SLC2A13: variants seen among roughly 807,000 people sequenced by gnomAD.
SLC2A13 encodes the protein solute carrier family 2 member 13.
A neutral mutation model predicts 64.4 loss-of-function variants in SLC2A13; 32 were observed. The ratio of observed to expected loss-of-function variants is 0.50; its 90% CI spans 0.37 to 0.67. SLC2A13 has a LOEUF of 0.67. Among genes scored for constraint, SLC2A13 ranks in the 30% least tolerant of loss-of-function variants. SLC2A13 has a pLI of 0.00. For missense variants in SLC2A13, 743 were observed against 829.2 expected (o/e 0.90, Z 1.28); for synonymous variants, 338 against 327.1 (o/e 1.03, Z -0.36).
At chr12:40,095,282 G>T (rs12322131) in intron 1 of SLC2A13, among the ~76,000 whole-genome samples, 13,848 of 152,220 alleles carry the variant, frequency 0.091, 746 homozygotes, top group African/African-American at 0.13. Flanking sequence ...GTGTGTCTGT[G>T]CCTTTTAAAA....
chr12:39,867,130 C>A (rs1347760496), intron 5 of SLC2A13, among the ~76,000 whole-genome samples: 1 of 152,104 alleles, frequency 6.6e-6, no homozygotes, highest in Non-Finnish European at 1.5e-5. Context: ...CAAAACGAAC[C>A]ATGAGATTTA....
At chr12:40,101,409 T>A (rs1322848841) in intron 1 of SLC2A13, among the ~76,000 whole-genome samples, 1 of 152,178 alleles carries the variant, frequency 6.6e-6, no homozygotes, top group Non-Finnish European at 1.5e-5. Context: ...TACTGAAGGG[T>A]CCACTGACTC....
At chr12:40,062,010 C>A (rs1007241815) in intron 1 of SLC2A13, among the ~76,000 whole-genome samples, 1 of 152,034 alleles carries the variant, frequency 6.6e-6, no homozygotes, top group African/African-American at 2.4e-5. Context: ...CACACCCACA[C>A]ATCAGCCCTT....
At chr12:40,060,078 CGGATGGATGGATGGATGCAT>C (rs1275618520) in intron 1 of SLC2A13, among the ~76,000 whole-genome samples, 45 of 151,508 alleles carry the variant, frequency 3.0e-4, no homozygotes, top group African/African-American at 1.1e-3. Flanking sequence ...TATTAATGGA[CGGATGGATGGATGGATGCAT>C]GGATGGATGG....
At chr12:39,959,844 A>C (rs1946378810) in intron 3 of SLC2A13, among the ~76,000 whole-genome samples, 1 of 152,208 alleles carries the variant, frequency 6.6e-6, no homozygotes, top group Non-Finnish European at 1.5e-5. Context: ...GTTCCAGGAT[A>C]CACATGCAGT....
intron 7 of SLC2A13, among the ~76,000 whole-genome samples, chr12:39,773,808 A>G (rs1940672131): frequency 6.6e-6 from 1 of 152,234 alleles, no homozygotes; most frequent in Non-Finnish European, 1.5e-5. Context: ...TGATAAATGT[A>G]TGAAACTTAG....
At chr12:39,813,702 A>G (rs1942257486) in intron 7 of SLC2A13, among the ~76,000 whole-genome samples, 2 of 152,194 alleles carry the variant, frequency 1.3e-5, no homozygotes, top group Admixed American at 1.3e-4. Flanking sequence ...TTATTGGAGT[A>G]GTGGGGGATG....
intron 1 of SLC2A13, among the ~76,000 whole-genome samples, chr12:40,054,147 A>T (rs934642112): frequency 7.2e-5 from 11 of 152,164 alleles, no homozygotes; most frequent in African/African-American, 2.7e-4. Context: ...TTTACCTAAA[A>T]CCTGTTTTAA....
At chr12:40,022,284 T>C (rs909764423) in intron 3 of SLC2A13, among the ~76,000 whole-genome samples, 2 of 152,222 alleles carry the variant, frequency 1.3e-5, no homozygotes, top group African/African-American at 4.8e-5. Flanking sequence ...TCTTGCTGGC[T>C]TGCATATTTT....
intron 1 of SLC2A13, among the ~76,000 whole-genome samples, chr12:40,085,856 G>T (rs187598801): frequency 6.6e-6 from 1 of 152,004 alleles, no homozygotes; most frequent in South Asian, 2.1e-4. Flanking sequence ...TTCACGTCCC[G>T]CATTCCTTCT....
chr12:39,921,982 T>C (rs530078745), intron 4 of SLC2A13, among the ~76,000 whole-genome samples: 1 of 151,440 alleles, frequency 6.6e-6, no homozygotes, highest in East Asian at 1.9e-4. Flanking sequence ...TAACAATTAG[T>C]TTCAGCTCTA....
At position 40,105,627 on chromosome 12, in the gene SLC2A13, A is replaced by ACGC. The variant is rs747830202; in HGVS notation, c.179_181dup (p.Gly60dup). The ACGC allele has an allele frequency of 2.1e-5, 31 of 1,490,526 alleles. No individual in the cohort carries two copies. The highest frequency in any genetic ancestry group is 8.9e-5 in the African/African-American group (6 of 67,728). The allele number at this position is 1,490,526 out of a possible 1,614,324, so 92.3% of individuals were successfully genotyped here. A position where few individuals can be genotyped will look rare whatever the true frequency, so the allele number is the denominator to read the frequency against. On this transcript the variant is annotated inframe_insertion, in exon 1 of 10. Coordinates refer to ENST00000280871, the MANE Select transcript of SLC2A13 (RefSeq NM_052885.4). The surrounding 1 kb of genome is among the most constrained non-coding windows in gnomAD (Gnocchi z 4.2). ...CCGCGCCGCGCGCTCCAGGTCCCCG[A>ACGC]CGCCGCCGCCGCCCGCGCCCGCGCT...
intron 6 of SLC2A13, among the ~76,000 whole-genome samples, chr12:39,833,892 TAAA>T (rs1161840484): frequency 4.5e-5 from 4 of 88,378 alleles, no homozygotes; most frequent in Admixed American, 1.2e-4. Flanking sequence ...AGCATGGTCA[TAAA>T]AAAAAAAAAA....
At chr12:39,878,753 T>C (rs1944262150) in intron 4 of SLC2A13, among the ~76,000 whole-genome samples, 1 of 152,224 alleles carries the variant, frequency 6.6e-6, no homozygotes, top group Non-Finnish European at 1.5e-5. Context: ...AAAAGCTTTT[T>C]TGGGAGAGGA....
At chr12:40,037,962 A>G (rs576667498) in intron 2 of SLC2A13, among the ~76,000 whole-genome samples, 1 of 152,230 alleles carries the variant, frequency 6.6e-6, no homozygotes, top group African/African-American at 2.4e-5. Context: ...CAGTGTATCA[A>G]TTTGATTAAT....
intron 3 of SLC2A13, among the ~76,000 whole-genome samples, chr12:39,962,344 G>A (rs1946429147): frequency 6.6e-6 from 1 of 152,178 alleles, no homozygotes; most frequent in Non-Finnish European, 1.5e-5. Flanking sequence ...GCCCACCTTG[G>A]CCTCCCAGTG....
At chr12:39,914,704 T>C (rs998348024) in intron 4 of SLC2A13, among the ~76,000 whole-genome samples, 1 of 151,924 alleles carries the variant, frequency 6.6e-6, no homozygotes, top group African/African-American at 2.4e-5. Context: ...ATTTGGTATA[T>C]CAAACCAGTG....
chr12:39,973,255 C>T (rs12827948), intron 3 of SLC2A13, among the ~76,000 whole-genome samples: 3 of 152,038 alleles, frequency 2.0e-5, no homozygotes, highest in East Asian at 3.9e-4. Context: ...CTAAACTAAG[C>T]GCAGCATTGG....
At chr12:40,024,160 G>T (rs1947765730) in intron 3 of SLC2A13, among the ~76,000 whole-genome samples, 1 of 152,178 alleles carries the variant, frequency 6.6e-6, no homozygotes, top group African/African-American at 2.4e-5. Context: ...TATGCAATAT[G>T]ATATAAACTA....
Sources: gnomAD v4.1 joint callset for allele counts (sites outside exome capture counted in the v4.1 genomes callset) on GRCh38, gnomAD v4.1.1 for gene constraint, Gnocchi (gnomAD v3.1) non-coding constraint, MANE v1.5 for transcripts, NCBI Gene and HGNC (gene_info 2026-07-23, HGNC 2026-07-21) for gene names.